Variants in MAN1A2 observed in about 807,000 individuals in gnomAD.
MAN1A2 encodes mannosidase alpha class 1A member 2, also known as mannosyl-oligosaccharide 1,2-alpha-mannosidase IB.
A neutral mutation model predicts 75.7 loss-of-function variants in MAN1A2; 26 were observed. That is an observed-to-expected ratio of 0.34 (90% CI 0.25 to 0.48). The LOEUF is 0.48. Among genes scored for constraint, MAN1A2 ranks in the 20% least tolerant of loss-of-function variants. MAN1A2 has a pLI of 0.99. For missense variants in MAN1A2, 562 were observed against 775.5 expected, an observed-to-expected ratio of 0.72 and a Z score of 3.27; for synonymous variants, 247 against 264.6, an observed-to-expected ratio of 0.93 and a Z score of 0.65.
At chr1:117,381,970 T>C (rs894073026) in intron 1 of MAN1A2, among the ~76,000 whole-genome samples, 5 of 151,812 alleles carry the variant, frequency 3.3e-5, no homozygotes, top group Non-Finnish European at 7.4e-5. Flanking sequence ...GTCTTTTGGC[T>C]GCATAAATGT....
intron 8 of MAN1A2, among the ~76,000 whole-genome samples, chr1:117,467,278 G>A (rs1650009132): frequency 1.3e-5 from 2 of 152,070 alleles, no homozygotes; most frequent in Admixed American, 1.3e-4. Flanking sequence ...TGAGACTAAT[G>A]AAATCTTAAG....
chr1:117,419,870 A>T (rs376991514), intron 4 of MAN1A2, among the ~76,000 whole-genome samples: 4 of 152,066 alleles, frequency 2.6e-5, no homozygotes, highest in East Asian at 1.9e-4. Context: ...GAAAAATTTC[A>T]TGTCTGTCAT....
At position 117,496,977 on chromosome 1, in the gene MAN1A2, G is replaced by T; in HGVS notation, c.1499G>T (p.Arg500Ile). The change falls in exon 10 of 13, where the codon AGA becomes ATA. Residue 500 changes from arginine to isoleucine, a missense_variant. Physicochemically the swap from Arg to Ile is moderately conservative, Grantham distance 97. Coordinates refer to ENST00000356554, the MANE Select transcript of MAN1A2 (RefSeq NM_006699.5). ...IARTCHESYD[R>I]TALKLGPESF... ...CGTACTTGTCATGAGTCATATGACA[G>T]AACTGGTAAGAATATTAATAAGGCT... 1 of 1,602,840 alleles carries T rather than the reference G, an allele frequency of 6.2e-7. No homozygotes were observed. The highest frequency in any genetic ancestry group is 8.5e-7 in the Non-Finnish European group (1 of 1,172,162).
intron 11 of MAN1A2, among the ~76,000 whole-genome samples, chr1:117,501,814 A>T (rs1442960722): frequency 6.6e-6 from 1 of 151,768 alleles, no homozygotes; most frequent in South Asian, 2.1e-4. Context: ...AAGTAGCAAG[A>T]CTAGGAACAA....
chr1:117,417,560 T>TATATATATATATATATA (rs1648041035), intron 4 of MAN1A2, among the ~76,000 whole-genome samples: 22 of 126,180 alleles, frequency 1.7e-4, no homozygotes, highest in African/African-American at 5.6e-4. Context: ...TATATATATG[T>TATATATATATATATATA]GATATATATG....
At chr1:117,369,689 A>C (rs1411382617) in intron 1 of MAN1A2, among the ~76,000 whole-genome samples, 1 of 152,008 alleles carries the variant, frequency 6.6e-6, no homozygotes, top group African/African-American at 2.4e-5. Context: ...TTAATTTGGA[A>C]TTTTTGCCAT....
At chr1:117,508,144 T>C (rs1025713563) in intron 12 of MAN1A2, among the ~76,000 whole-genome samples, 2 of 151,754 alleles carry the variant, frequency 1.3e-5, no homozygotes, top group African/African-American at 4.8e-5. Flanking sequence ...TTCACCTAGA[T>C]CTTTCTTTGA....
chr1:117,451,607 C>G (rs758372796), intron 6 of MAN1A2, among the ~76,000 whole-genome samples: 5 of 152,172 alleles, frequency 3.3e-5, no homozygotes, highest in Non-Finnish European at 7.4e-5. Context: ...GTAATTGAAT[C>G]ATGCTATTCT....
rs17037340 is a variant in MAN1A2 at position 117,497,413 on chromosome 1, A to G, written c.1504+431A>G. 8.1e-3 allele frequency among the ~76,000 whole-genome samples: 1,234 copies of G among 152,126 alleles called. 27 individuals carry two copies. Among genetic ancestry groups the G allele is most frequent in the African/African-American group, 0.028 (1,181 of 41,570 alleles). ...GATAACAATATTTATCTTTATTGGTATCTGGCTAACTAGTAGTTTTTCAAT... is the reference window on the plus strand; with the variant it reads ...GATAACAATATTTATCTTTATTGGTGTCTGGCTAACTAGTAGTTTTTCAAT... On this transcript the variant is annotated intron_variant, in intron 10 of 12. Coordinates refer to ENST00000356554, the MANE Select transcript of MAN1A2 (RefSeq NM_006699.5).
At chr1:117,493,309 G>A (rs370544259) in intron 9 of MAN1A2, 47 bp downstream of exon 9, 12 of 1,224,760 alleles carry the variant, frequency 9.8e-6, no homozygotes, top group South Asian at 1.2e-5. Context: ...TGAATGTACA[G>A]TGTATTTTGT....
Position 117,514,288 on chromosome 1 carries a change from G to A in MAN1A2, c.1794-8537G>A, listed in dbSNP as rs1370638077. The stretch of plus-strand genomic sequence containing the variant: ...TGAGACAGGAGAATCACTTGAACCC[G>A]GGAGGCAGAGGTTGCAGTGAACCAA... On this transcript the variant is annotated intron_variant, in intron 12 of 12. Transcript: ENST00000356554. Among the ~76,000 whole-genome samples the A allele has an allele frequency of 2.6e-5, 4 of 151,700 alleles. No homozygotes were observed. In the East Asian group the frequency reaches 5.8e-4, roughly 22 times the overall value.
chr1:117,403,830 A>G (rs1342226494), intron 2 of MAN1A2, among the ~76,000 whole-genome samples: 1 of 152,146 alleles, frequency 6.6e-6, no homozygotes, highest in African/African-American at 2.4e-5. Context: ...GAGAATGGAC[A>G]TACTAGGTTT....
chr1:117,447,790 T>G (rs765797940), intron 6 of MAN1A2, among the ~76,000 whole-genome samples: 2 of 152,192 alleles, frequency 1.3e-5, no homozygotes, highest in Admixed American at 6.5e-5. Flanking sequence ...TTAGCTAGAT[T>G]AGTACTTTGT....
chr1:117,465,588 A>C (rs1299113887), intron 7 of MAN1A2, among the ~76,000 whole-genome samples: 1 of 152,192 alleles, frequency 6.6e-6, no homozygotes, highest in Non-Finnish European at 1.5e-5. Context: ...TCCCAAGTTT[A>C]TACCAGCCAG....
At chr1:117,390,716 G>C (rs535219215) in intron 1 of MAN1A2, among the ~76,000 whole-genome samples, 123 of 151,180 alleles carry the variant, frequency 8.1e-4, no homozygotes, top group African/African-American at 2.7e-3. Flanking sequence ...CTTGATATAA[G>C]ATCTTTTTTC....
rs141770162 is a variant in MAN1A2 at position 117,440,203 on chromosome 1, C to CT, written c.856-2027dup. 2.0e-3 allele frequency among the ~76,000 whole-genome samples: 299 copies of CT among 152,222 alleles called. 3 individuals are homozygous for CT. The highest frequency in any genetic ancestry group is 6.9e-3 in the African/African-American group (286 of 41,528). Reference sequence around the variant, plus strand: ...TCTGTGTTAGAGAGAGACAAAGACTCTGAGTGTGTGTAAATTGCAACAGAA... The same window carrying CT: ...TCTGTGTTAGAGAGAGACAAAGACTCTTGAGTGTGTGTAAATTGCAACAGAA... On this transcript the variant is annotated intron_variant, in intron 5 of 12. Transcript: ENST00000356554.
chr1:117,469,389 C>G (rs1191078709), intron 8 of MAN1A2, among the ~76,000 whole-genome samples: 2 of 151,954 alleles, frequency 1.3e-5, no homozygotes, highest in Admixed American at 1.3e-4. Context: ...TCTTCGTGAC[C>G]TTTGATTTGA....
intron 1 of MAN1A2, among the ~76,000 whole-genome samples, chr1:117,369,054 G>T (rs1385987174): frequency 6.6e-6 from 1 of 152,150 alleles, no homozygotes; most frequent in Non-Finnish European, 1.5e-5. Context: ...TTTTTTTGGG[G>T]ATGTGTGTTG....
At position 117,486,806 on chromosome 1, in the gene MAN1A2, T is replaced by C. The variant is rs1009159482; in HGVS notation, c.1169-6341T>C. Among the ~76,000 whole-genome samples the C allele has an allele frequency of 4.6e-5, 7 of 151,894 alleles. No individual in the cohort carries two copies. The Middle Eastern group carries it at 0.014, about 295-fold the overall frequency. On this transcript the variant is annotated intron_variant, in intron 8 of 12. Coordinates refer to ENST00000356554, the MANE Select transcript of MAN1A2 (RefSeq NM_006699.5). ...TGGAGTACAGAAAATATCAAAGAAA[T>C]AGTAGAAAAGATTTTTCCCAGAGCT...
Sources: gnomAD v4.1 joint callset for allele counts (sites outside exome capture counted in the v4.1 genomes callset) on GRCh38, gnomAD v4.1.1 for gene constraint, MANE v1.5 for transcripts, NCBI Gene and HGNC (gene_info 2026-07-23, HGNC 2026-07-21) for gene names.